Variants in KANK1 observed in about 807,000 individuals in gnomAD.
KANK1 encodes KN motif and ankyrin repeat domains 1, also known as KN motif and ankyrin repeat domain-containing protein 1.
A neutral mutation model predicts 106.2 loss-of-function variants in KANK1; 109 were observed. The ratio of observed to expected loss-of-function variants is 1.03; its 90% CI spans 0.88 to 1.20. The LOEUF is 1.20. Ranked by LOEUF, KANK1 falls within the 50% of genes most tolerant of loss-of-function variation. The probability of loss-of-function intolerance (pLI) is 0.00; values close to 1 mark genes in which losing one functional copy is unlikely to be tolerated. For missense variants in KANK1, 2,399 were observed against 1,710.7 expected (o/e 1.40, Z -7.10); for synonymous variants, 873 against 652.2 (o/e 1.34, Z -5.16).
In KANK1 at chr9:589,534, T is replaced by C. The variant is rs10118028; in HGVS notation, c.-84+84780T>C. On this transcript the variant is annotated intron_variant, in intron 1 of 11. Coordinates refer to ENST00000382297, the MANE Select transcript of KANK1 (RefSeq NM_015158.5). ...AGCGGGGAGAGAGGTGGGGAAGGAGTCATAAAGAAAGGGAAAAACAGGGGG... is the reference window on the plus strand; with the variant it reads ...AGCGGGGAGAGAGGTGGGGAAGGAGCCATAAAGAAAGGGAAAAACAGGGGG... Among the ~76,000 whole-genome samples the C allele has an allele frequency of 9.9e-3, 1,480 of 150,230 alleles. 30 individuals carry two copies. The highest frequency in any genetic ancestry group is 0.035 in the African/African-American group (1,422 of 40,854).
At chr9:613,569 C>G (rs988601761) in intron 1 of KANK1, among the ~76,000 whole-genome samples, 1 of 152,072 alleles carries the variant, frequency 6.6e-6, no homozygotes, top group Non-Finnish European at 1.5e-5. Context: ...GACTCCCCTG[C>G]TGTATGGAAA....
chr9:563,423 T>C (rs1436561133), intron 1 of KANK1, among the ~76,000 whole-genome samples: 1 of 152,198 alleles, frequency 6.6e-6, no homozygotes, highest in Non-Finnish European at 1.5e-5. Context: ...TTCAATGCAT[T>C]GTACTTGAGA....
At chr9:729,957 C>A (rs780524593) in intron 3 of KANK1, 94 bp from the exon 4 acceptor site, 57 of 1,075,452 alleles carry the variant, frequency 5.3e-5, no homozygotes, top group Non-Finnish European at 7.2e-5. Flanking sequence ...ATAATAGTCC[C>A]ATTTTAAATT....
At chr9:610,483 C>T (rs899569884) in intron 1 of KANK1, among the ~76,000 whole-genome samples, 13 of 152,092 alleles carry the variant, frequency 8.5e-5, no homozygotes, top group African/African-American at 2.9e-4. Flanking sequence ...GAAATAGAAT[C>T]CTGACAGTTC....
chr9:608,194 C>CTGAT (rs1563852028), intron 1 of KANK1, among the ~76,000 whole-genome samples: 2 of 149,366 alleles, frequency 1.3e-5, no homozygotes, highest in African/African-American at 5.0e-5. Flanking sequence ...CCCGCCACCG[C>CTGAT]GCCCGGCTAA....
intron 1 of KANK1, among the ~76,000 whole-genome samples, chr9:577,014 C>T (rs1265367427): frequency 6.6e-6 from 1 of 152,150 alleles, no homozygotes; most frequent in Non-Finnish European, 1.5e-5. Flanking sequence ...TTAGTTTCTT[C>T]CTTCCAGTGG....
chr9:586,088 A>G (rs374958713), intron 1 of KANK1, among the ~76,000 whole-genome samples: 13 of 152,198 alleles, frequency 8.5e-5, no homozygotes, highest in African/African-American at 2.7e-4. Context: ...AAGGCATAAG[A>G]TGTCATTATT....
Position 676,992 on chromosome 9 carries a change from T to C in KANK1, c.20T>C (p.Val7Ala), listed in dbSNP as rs1312821844. 6.2e-7 allele frequency: 1 copy of C among 1,613,904 alleles called. No homozygotes were observed. The highest frequency in any genetic ancestry group is 1.7e-5 in the Admixed American group (1 of 59,994). MAHTTK[V>A]NGSASGKAGD... The stretch of plus-strand genomic sequence containing the variant: ...GCCAGCATGGCTCACACCACAAAGG[T>C]TAACGGCAGTGCCTCAGGTAACCCT... Residue 7 changes from valine to alanine, a missense_variant, in exon 2 of 12, where the codon GTT becomes GCT. Coordinates refer to ENST00000382297, the MANE Select transcript of KANK1 (RefSeq NM_015158.5).
intron 1 of KANK1, among the ~76,000 whole-genome samples, chr9:568,446 GT>G (rs1587886992): frequency 6.6e-6 from 1 of 152,084 alleles, no homozygotes; most frequent in Non-Finnish European, 1.5e-5. Flanking sequence ...AGTCTGTGGG[GT>G]TTTTTTCCTG....
rs144451136 is a variant in KANK1 at position 738,250 on chromosome 9, A to G, written c.3334-35A>G. On this transcript the variant is annotated intron_variant, in intron 7 of 11. Transcript: ENST00000382297. ...CAACTAGGTCTCAGAAAGTCTATAA[A>G]TAGAAGAACTAACGACCACTTGGTG... The G allele has an allele frequency of 9.0e-4, 1,402 of 1,560,094 alleles. 15 individuals are homozygous for G. The African/African-American group carries it at 0.017, about 19-fold the overall frequency.
intron 1 of KANK1, among the ~76,000 whole-genome samples, chr9:523,940 G>A (rs1294517669): frequency 6.6e-6 from 1 of 151,552 alleles, no homozygotes; most frequent in Admixed American, 6.6e-5. Flanking sequence ...ACCTTTAGCT[G>A]GTTTGCTGGT....
rs1204861702 is a variant in KANK1, at chr9:745,208, C to G, written c.4032C>G (p.Gly1344=). 22 of 1,614,014 alleles carry G rather than the reference C, an allele frequency of 1.4e-5. No individual in the cohort carries two copies. The highest frequency in any genetic ancestry group is 1.7e-5 in the Non-Finnish European group (20 of 1,180,000). ...TPRLGRKTSP[G]PTHRGSFD ...GGCTTGGAAGGAAGACGTCTCCTGGCCCCACCCACCGAGGTTCATTTGATT... is the reference window on the plus strand; with the variant it reads ...GGCTTGGAAGGAAGACGTCTCCTGGGCCCACCCACCGAGGTTCATTTGATT... Residue 1344 remains glycine (G), a synonymous_variant, in exon 12 of 12, where the codon GGC becomes GGG. Coordinates refer to ENST00000382297, the MANE Select transcript of KANK1 (RefSeq NM_015158.5).
chr9:735,007 C>A (rs1833388098), intron 7 of KANK1, among the ~76,000 whole-genome samples, 172 bp downstream of exon 7: 1 of 152,170 alleles, frequency 6.6e-6, no homozygotes, highest in African/African-American at 2.4e-5. Flanking sequence ...CTGGATCACA[C>A]TGCCAGCGTT....
intron 1 of KANK1, among the ~76,000 whole-genome samples, chr9:513,859 A>C (rs1409556716): frequency 6.6e-6 from 1 of 152,022 alleles, no homozygotes; most frequent in Non-Finnish European, 1.5e-5. Context: ...TCTACTAAAA[A>C]TACAAAAATT....
At chr9:735,758 C>T in intron 7 of KANK1, 2 of 436,266 alleles carry the variant, frequency 4.6e-6, no homozygotes, top group Non-Finnish European at 4.7e-6. Flanking sequence ...CTTCGGGAGG[C>T]CGATGCAGGT....
chr9:641,214 A>G (rs1838356017), intron 1 of KANK1, among the ~76,000 whole-genome samples: 1 of 152,232 alleles, frequency 6.6e-6, no homozygotes, highest in Non-Finnish European at 1.5e-5. Context: ...CTCCCATGGA[A>G]CTGATAATTA....
chr9:714,023 G>C (rs1425245965), intron 3 of KANK1, among the ~76,000 whole-genome samples: 1 of 152,148 alleles, frequency 6.6e-6, no homozygotes, highest in Non-Finnish European at 1.5e-5. Flanking sequence ...AGGATTGCTA[G>C]AGCCCAGAAA....
chr9:578,824 C>G (rs2135193251), intron 1 of KANK1, among the ~76,000 whole-genome samples: 1 of 152,278 alleles, frequency 6.6e-6, no homozygotes, highest in African/African-American at 2.4e-5. Context: ...TCTCCCACCT[C>G]TGTATAATAT....
chr9:614,923 T>G (rs11792645), intron 1 of KANK1, among the ~76,000 whole-genome samples: 1 of 152,002 alleles, frequency 6.6e-6, no homozygotes, highest in Non-Finnish European at 1.5e-5. Flanking sequence ...AGTACAAAAT[T>G]GTACATATAT....
Sources: gnomAD v4.1 joint callset for allele counts (sites outside exome capture counted in the v4.1 genomes callset) on GRCh38, gnomAD v4.1.1 for gene constraint, MANE v1.5 for transcripts, NCBI Gene and HGNC (gene_info 2026-07-23, HGNC 2026-07-21) for gene names.